Variants in C13orf42 observed in about 807,000 individuals in gnomAD.
The protein encoded by C13orf42 is chromosome 13 open reading frame 42.
upstream of C13orf42, among the ~76,000 whole-genome samples, chr13:51,113,765 T>A (rs1054544783): frequency 3.0e-4 from 45 of 152,132 alleles, no homozygotes; most frequent in African/African-American, 1.1e-3. Flanking sequence ...CAAGTGCCCA[T>A]CAAACCCCAA....
chr13:51,152,644 A>G (rs1199896427), intron 1 of C13orf42, among the ~76,000 whole-genome samples: 1 of 152,206 alleles, frequency 6.6e-6, no homozygotes, highest in Non-Finnish European at 1.5e-5. Flanking sequence ...CTTCAGCTCT[A>G]GCATTCTGAT....
intron 1 of C13orf42, among the ~76,000 whole-genome samples, chr13:51,119,754 A>G (rs9596459): frequency 0.095 from 14,518 of 152,186 alleles, 1,038 homozygotes; most frequent in South Asian, 0.27. Flanking sequence ...AGAGGAGAGG[A>G]GAAAATGGGA....
intron 1 of C13orf42, among the ~76,000 whole-genome samples, chr13:51,095,101 T>G (rs910002896): frequency 2.6e-5 from 4 of 152,204 alleles, no homozygotes; most frequent in Non-Finnish European, 5.9e-5. Flanking sequence ...CCATTAAACC[T>G]CTTTCTTTTA....
intron 1 of C13orf42, among the ~76,000 whole-genome samples, chr13:51,131,940 T>C (rs1025365706): frequency 3.9e-5 from 6 of 152,226 alleles, no homozygotes; most frequent in Non-Finnish European, 5.9e-5. Context: ...GGCTGCTGCT[T>C]AGAAGAAACA....
upstream of C13orf42, among the ~76,000 whole-genome samples, chr13:51,113,867 C>G (rs9596456): frequency 4.7e-3 from 720 of 152,326 alleles, 2 homozygotes; most frequent in African/African-American, 0.017. Flanking sequence ...TCCTCTCCCC[C>G]AGCCTAGCCC....
chr13:51,164,081 GT>G (rs2138050988), intron 1 of C13orf42, among the ~76,000 whole-genome samples: 1 of 152,320 alleles, frequency 6.6e-6, no homozygotes, highest in East Asian at 1.9e-4. Context: ...ACTGCTCTGT[GT>G]AATATACTTA....
intron 1 of C13orf42, among the ~76,000 whole-genome samples, chr13:51,094,767 T>A (rs1037235634): frequency 1.3e-5 from 2 of 152,104 alleles, no homozygotes; most frequent in Non-Finnish European, 2.9e-5. Context: ...TGTTGATAAG[T>A]ATTATTTTTC....
chr13:51,134,409 C>CTGA (rs1480037488), intron 1 of C13orf42, among the ~76,000 whole-genome samples: 1 of 152,168 alleles, frequency 6.6e-6, no homozygotes, highest in East Asian at 1.9e-4. Context: ...ACCATCCCAT[C>CTGA]TGATACTCAA....
chr13:51,099,867 T>C (rs1953269232), intron 1 of C13orf42, among the ~76,000 whole-genome samples: 1 of 152,218 alleles, frequency 6.6e-6, no homozygotes, highest in African/African-American at 2.4e-5. Context: ...TTATATGTCA[T>C]GTAAATGATC....
chr13:51,136,551 T>C (rs1376701239), intron 1 of C13orf42, among the ~76,000 whole-genome samples: 2 of 152,206 alleles, frequency 1.3e-5, no homozygotes, highest in Non-Finnish European at 2.9e-5. Flanking sequence ...AGGGGCTATA[T>C]ACTTCAGAGC....
rs1953597275 is a variant in C13orf42 at position 51,129,229 on chromosome 13, C to A, written n.137-16007G>T. On this transcript the variant is annotated intron_variant and non_coding_transcript_variant, in intron 1 of 4. Transcript: ENST00000433280. Reference sequence around the variant, plus strand: ...GCAGTCAGACACTCAGCTGGACTGGCAAAACAGAATATCTGTGTGTCAGTG... The same window carrying A: ...GCAGTCAGACACTCAGCTGGACTGGAAAAACAGAATATCTGTGTGTCAGTG... Among the ~76,000 whole-genome samples the A allele has an allele frequency of 2.0e-5, 3 of 152,140 alleles. No homozygotes were observed. In the South Asian group the frequency reaches 6.2e-4, roughly 32 times the overall value.
chr13:51,117,367 GAAT>G (rs1953499729), intron 1 of C13orf42, among the ~76,000 whole-genome samples: 1 of 152,196 alleles, frequency 6.6e-6, no homozygotes, highest in Admixed American at 6.5e-5. Flanking sequence ...AAAGGAAAGT[GAAT>G]AATTAGGAGT....
At chr13:51,161,307 A>G (rs1024233445) in intron 1 of C13orf42, among the ~76,000 whole-genome samples, 2 of 151,902 alleles carry the variant, frequency 1.3e-5, no homozygotes, top group Admixed American at 6.6e-5. Context: ...AGAAGCAGAA[A>G]TGCATGGATG....
intron 1 of C13orf42, among the ~76,000 whole-genome samples, chr13:51,118,551 T>A (rs1329043271): frequency 1.3e-5 from 2 of 152,068 alleles, no homozygotes; most frequent in Non-Finnish European, 2.9e-5. Context: ...GGGCAGAGAG[T>A]GAAGCTGCCC....
intron 1 of C13orf42, among the ~76,000 whole-genome samples, chr13:51,092,019 C>A (rs1953185142): frequency 6.6e-6 from 1 of 152,180 alleles, no homozygotes; most frequent in Non-Finnish European, 1.5e-5. Flanking sequence ...CCTATTGGCC[C>A]AAAGTATGAG....
intron 1 of C13orf42, among the ~76,000 whole-genome samples, chr13:51,122,229 T>C (rs915888124): frequency 6.6e-6 from 1 of 151,758 alleles, no homozygotes; most frequent in African/African-American, 2.4e-5. Flanking sequence ...GACCAGAATA[T>C]ATGATTAGAA....
intron 1 of C13orf42, among the ~76,000 whole-genome samples, chr13:51,100,323 C>A (rs1443782631): frequency 2.0e-4 from 30 of 152,048 alleles, no homozygotes. Flanking sequence ...ATCTGCACAT[C>A]AGAAAACGTC....
At position 51,086,511 on chromosome 13, in the gene C13orf42, AGAGT is replaced by A. The variant is rs767533311; in HGVS notation, c.563-956_563-953del. Among the ~76,000 whole-genome samples, 29 of 150,814 alleles carry A rather than the reference AGAGT, an allele frequency of 1.9e-4. No individual in the cohort carries two copies. The East Asian group carries it at 4.8e-3, about 25-fold the overall frequency. ...GTAAGAGAGTGTGTGTGTGAGAGAG[AGAGT>A]GTGTGTGTGTGTGTTAAAACCACAC... On this transcript the variant is annotated intron_variant, in intron 2 of 3. Transcript: ENST00000563710.
intron 1 of C13orf42, among the ~76,000 whole-genome samples, chr13:51,159,941 G>A (rs2011865): frequency 0.2 from 31,087 of 152,112 alleles, 3,747 homozygotes; most frequent in Admixed American, 0.29. Context: ...TACTTCTTAC[G>A]TGGCAGCAGC....
Sources: gnomAD v4.1 joint callset for allele counts (sites outside exome capture counted in the v4.1 genomes callset) on GRCh38, gnomAD v4.1.1 for gene constraint, MANE v1.5 for transcripts, NCBI Gene and HGNC (gene_info 2026-07-23, HGNC 2026-07-21) for gene names.